Variants in TERT observed in about 807,000 individuals in gnomAD.
TERT encodes the protein telomerase reverse transcriptase.
A neutral mutation model predicts 104.0 loss-of-function variants in TERT; 42 were observed. That is an observed-to-expected ratio of 0.40 (90% CI 0.32 to 0.52). TERT has a LOEUF of 0.52. Ranked by LOEUF, TERT falls within the 20% of genes least tolerant of loss-of-function variation. The pLI, the probability that TERT is intolerant of heterozygous loss-of-function variation, is 0.43. For synonymous variants in TERT, 781 were observed against 725.6 expected (o/e 1.08, Z -1.23); for missense variants, 1,101 against 1,610.3 (o/e 0.68, Z 5.41).
chr5:1,275,309 G>C (rs773544589), intron 6 of TERT, among the ~76,000 whole-genome samples: 3 of 151,650 alleles, frequency 2.0e-5, no homozygotes, highest in African/African-American at 7.3e-5. Context: ...AGGAAGCACA[G>C]GTTGCAGTGA....
rs374968697 is a variant in TERT at position 1,255,341 on chromosome 5, C to T, written c.3103G>A (p.Val1035Ile). ...CAGAGGGAGGCCGTGTCAGAGATGA[C>T]GCGCAGGAAAAATGTGGGGTTCTTC... Reference protein sequence around the residue: ...VWKNPTFFLRVISDTASLCYS... With the variant: ...VWKNPTFFLRIISDTASLCYS... The change falls in exon 14 of 16, where the codon GTC (valine) becomes ATC (isoleucine). Residue 1035 changes from valine to isoleucine, a missense_variant. By Grantham distance (29) the Val-to-Ile change is conservative. This residue lies in a region of TERT where 463 missense variants were observed against 797.5 expected (regional missense o/e 0.58). Transcript: ENST00000310581. The surrounding 1 kb of genome is among the most constrained non-coding windows in gnomAD (Gnocchi z 6.9). 64 of 1,614,066 alleles carry T rather than the reference C, an allele frequency of 4.0e-5. No homozygotes were observed. The highest frequency in any genetic ancestry group is 5.0e-5 in the Admixed American group (3 of 60,004).
chr5:1,257,014 G>A lies in TERT; in HGVS notation c.3032+1584C>T, dbSNP rs1282754357. ...CCGTGAAATCGGGGCCCAGCTCTCC[G>A]TTCTCCCACTCCTGCCTCGAGGGAA... On this transcript the variant is annotated intron_variant, in intron 13 of 15. Coordinates refer to ENST00000310581, the MANE Select transcript of TERT (RefSeq NM_198253.3). The surrounding 1 kb of genome is among the most constrained non-coding windows in gnomAD (Gnocchi z 5.6). 5.9e-5 allele frequency among the ~76,000 whole-genome samples: 9 copies of A among 152,102 alleles called. No homozygotes were observed. Among genetic ancestry groups the A allele is most frequent in the South Asian group, 2.1e-4 (1 of 4,828 alleles).
intron 3 of TERT, among the ~76,000 whole-genome samples, chr5:1,280,854 CTT>C: frequency 6.6e-6 from 1 of 152,336 alleles, no homozygotes. Flanking sequence ...CACCTCTGCC[CTT>C]TGGCCTTTTC....
At chr5:1,285,866 C>A (rs1429542803) in intron 2 of TERT, among the ~76,000 whole-genome samples, 1 of 151,994 alleles carries the variant, frequency 6.6e-6, no homozygotes, top group Admixed American at 6.6e-5. Context: ...CCGCGCCCAG[C>A]CTAGAAATTT....
In TERT at chr5:1,288,381, T is replaced by C. The variant is rs1049795217; in HGVS notation, c.1573+4932A>G. Among the ~76,000 whole-genome samples the C allele has an allele frequency of 1.3e-5, 2 of 151,648 alleles. No individual in the cohort carries two copies. Among genetic ancestry groups the C allele is most frequent in the African/African-American group, 4.8e-5 (2 of 41,246 alleles). On this transcript the variant is annotated intron_variant, in intron 2 of 15. Coordinates refer to ENST00000310581, the MANE Select transcript of TERT (RefSeq NM_198253.3). The surrounding 1 kb of genome is among the most constrained non-coding windows in gnomAD (Gnocchi z 5.3). ...AATGGAGAGATAGAAACGTCAGAGG[T>C]AAATCAGTGAAATTCAAAACTAAGA...
chr5:1,273,133 CA>C (rs1749232285), intron 6 of TERT, among the ~76,000 whole-genome samples: 2 of 26,604 alleles, frequency 7.5e-5, no homozygotes, highest in Non-Finnish European at 1.5e-4. Flanking sequence ...CATCAGACCC[CA>C]CGACCGCCAT....
rs1751160849 is a variant in TERT, at chr5:1,293,762, G to A, written c.1124C>T (p.Thr375Ile). The A allele has an allele frequency of 6.4e-7, 1 of 1,557,086 alleles. No homozygotes were observed. ...FLGSRPWMPGTPRRLPRLPQR... is the reference protein window; with the variant it reads ...FLGSRPWMPGIPRRLPRLPQR... ...GGGCAGGCGGGGCAACCTGCGGGGA[G>A]TCCCTGGCATCCAGGGCCTGGAACC... The change falls in exon 2 of 16, where the codon ACT becomes ATT. Residue 375 changes from threonine to isoleucine, a missense_variant. Transcript: ENST00000310581.
At chr5:1,294,707 C>T in intron 1 of TERT, 41 bp from the exon 2 acceptor site, 1 of 1,579,794 alleles carries the variant, frequency 6.3e-7, no homozygotes, top group Non-Finnish European at 8.5e-7. Context: ...CTGCTCTCCG[C>T]ATGTCGCTGG....
In TERT at chr5:1,265,756, G is replaced by T. The variant is rs1325951586; in HGVS notation, c.2654+708C>A. On this transcript the variant is annotated intron_variant, in intron 10 of 15. Transcript: ENST00000310581. The surrounding 1 kb of genome is among the most constrained non-coding windows in gnomAD (Gnocchi z 6.9). ...CCCCTGGCGGCCACATTTTCTGAGG[G>T]TTCCCTTTACAGCTTTCAAGGTTTC... 6.6e-6 allele frequency among the ~76,000 whole-genome samples: 1 copy of T among 152,086 alleles called. No individual in the cohort carries two copies. The highest frequency in any genetic ancestry group is 1.5e-5 in the Non-Finnish European group (1 of 68,026).
Position 1,286,337 on chromosome 5 carries a change from G to A in TERT, c.1574-3713C>T, listed in dbSNP as rs956349024. ...AAGGACAAGGAAGGGGACCCCAGAC[G>A]GCGGGCCTGAGACAGAAGACAGACG... On this transcript the variant is annotated intron_variant, in intron 2 of 15. Transcript: ENST00000310581. This position sits in a 1 kb window ranked among gnomAD's most constrained non-coding sequence, Gnocchi z 5.3. Among the ~76,000 whole-genome samples, 24 of 152,188 alleles carry A rather than the reference G, an allele frequency of 1.6e-4. No homozygotes were observed. Among genetic ancestry groups the A allele is most frequent in the Non-Finnish European group, 2.5e-4 (17 of 68,028 alleles).
chr5:1,271,949 G>A (rs931970836), intron 7 of TERT, among the ~76,000 whole-genome samples: 2 of 152,248 alleles, frequency 1.3e-5, no homozygotes, highest in African/African-American at 4.8e-5. Flanking sequence ...CTGCGGAACT[G>A]GAGAGAGGCC....
chr5:1,282,172 T>A (rs1750065684), intron 3 of TERT, among the ~76,000 whole-genome samples: 2 of 152,126 alleles, frequency 1.3e-5, no homozygotes, highest in African/African-American at 4.8e-5. Flanking sequence ...TCCATCTAAT[T>A]TAAATCCCTT....
intron 2 of TERT, among the ~76,000 whole-genome samples, chr5:1,283,300 C>T (rs1750185498): frequency 7.3e-6 from 1 of 137,660 alleles, no homozygotes; most frequent in Non-Finnish European, 1.6e-5. Flanking sequence ...CACGCCAGAC[C>T]TGCACCATCC....
intron 13 of TERT, among the ~76,000 whole-genome samples, chr5:1,258,007 A>T (rs1489561542): frequency 6.6e-6 from 1 of 152,212 alleles, no homozygotes; most frequent in African/African-American, 2.4e-5. Context: ...TGGCCTCCAC[A>T]GATTGGCCCT....
Position 1,256,893 on chromosome 5 carries a change from C to G in TERT, c.3033-1482G>C, listed in dbSNP as rs1443076897. Among the ~76,000 whole-genome samples, 3 of 152,196 alleles carry G rather than the reference C, an allele frequency of 2.0e-5. No homozygotes were observed. The highest frequency in any genetic ancestry group is 7.2e-5 in the African/African-American group (3 of 41,452). ...CAAGCCCGTGTGGAGGCGCGGCCAG[C>G]ACGGGCCAGGAAGGCCGAGCCCCAG... is the stretch of plus-strand genomic sequence containing the variant. On this transcript the variant is annotated intron_variant, in intron 13 of 15. Transcript: ENST00000310581. This position sits in a 1 kb window ranked among gnomAD's most constrained non-coding sequence, Gnocchi z 7.0.
intron 5 of TERT, 38 bp from the exon 6 acceptor site, chr5:1,278,834 G>T: frequency 6.2e-7 from 1 of 1,612,900 alleles, no homozygotes; most frequent in Non-Finnish European, 8.5e-7. Context: ...CAGTGGCCAC[G>T]CAGAAACTCA....
rs1747678581 is a variant in TERT at position 1,255,681 on chromosome 5, C to T, written c.3033-270G>A. Among the ~76,000 whole-genome samples the T allele has an allele frequency of 1.3e-5, 2 of 152,354 alleles. No individual in the cohort carries two copies. Among genetic ancestry groups the T allele is most frequent in the South Asian group, 4.1e-4 (2 of 4,830 alleles). ...ACGCATGTGGAGGCTGAAGCAGCTCCATCCTGGATGCCAGCCCCCCATGCT... is the reference window on the plus strand; with the variant it reads ...ACGCATGTGGAGGCTGAAGCAGCTCTATCCTGGATGCCAGCCCCCCATGCT... On this transcript the variant is annotated intron_variant, in intron 13 of 15. Transcript: ENST00000310581. The surrounding 1 kb of genome is among the most constrained non-coding windows in gnomAD (Gnocchi z 6.9).
chr5:1,271,384 C>G (rs1187342361), intron 7 of TERT, among the ~76,000 whole-genome samples, 180 bp from the exon 8 acceptor site: 1 of 152,236 alleles, frequency 6.6e-6, no homozygotes, highest in Non-Finnish European at 1.5e-5. Context: ...CACACATGGG[C>G]TTAGGCAGAG....
In TERT at chr5:1,257,125, C is replaced by T. The variant is rs183538825; in HGVS notation, c.3032+1473G>A. On this transcript the variant is annotated intron_variant, in intron 13 of 15. Coordinates refer to ENST00000310581, the MANE Select transcript of TERT (RefSeq NM_198253.3). The surrounding 1 kb of genome is among the most constrained non-coding windows in gnomAD (Gnocchi z 5.6). Reference sequence around the variant, plus strand: ...GCATCTCGGCCTCCTCAGGGCTACCCAATCAAGCGACTACCCAAGGGTCCC... The same window carrying T: ...GCATCTCGGCCTCCTCAGGGCTACCTAATCAAGCGACTACCCAAGGGTCCC... Among the ~76,000 whole-genome samples the T allele has an allele frequency of 1.3e-5, 2 of 152,264 alleles. No individual in the cohort carries two copies. Among genetic ancestry groups the T allele is most frequent in the South Asian group, 4.1e-4 (2 of 4,822 alleles).
Sources: gnomAD v4.1 joint callset for allele counts (sites outside exome capture counted in the v4.1 genomes callset) on GRCh38, gnomAD v4.1.1 for gene constraint, gnomAD v4.1.1 regional missense constraint, Gnocchi (gnomAD v3.1) non-coding constraint, MANE v1.5 for transcripts, NCBI Gene and HGNC (gene_info 2026-07-23, HGNC 2026-07-21) for gene names.